The following TBC1D8B variants were observed in gnomAD, a reference collection of about 807,000 sequenced individuals.
The protein encoded by TBC1D8B is RP11-321G1.1.
A neutral mutation model predicts 82.9 loss-of-function variants in TBC1D8B; 75 were observed. The ratio of observed to expected loss-of-function variants is 0.90; its 90% CI spans 0.75 to 1.10. The LOEUF is 1.10. Ranked by LOEUF, TBC1D8B falls within the 50% of genes least tolerant of loss-of-function variation. The pLI is 0.00. For synonymous variants in TBC1D8B, 276 were observed against 276.8 expected (o/e 1.00, Z 0.03); for missense variants, 794 against 796.9 (o/e 1.00, Z 0.04).
At chrX:106,804,822 A>G (rs144475470) in intron 1 of TBC1D8B, among the ~76,000 whole-genome samples, 186 of 110,177 alleles carry the variant, frequency 1.7e-3, no homozygotes, top group Admixed American at 6.1e-3. Context: ...CTGGGAGGTC[A>G]AGGCTACAGT....
intron 14 of TBC1D8B, among the ~76,000 whole-genome samples, chrX:106,862,510 C>G (rs1478089700): frequency 9.0e-6 from 1 of 111,035 alleles, no homozygotes; most frequent in Non-Finnish European, 1.9e-5. Flanking sequence ...TTATTGTATT[C>G]CTTAGATTCC....
At chrX:106,852,566 G>A (rs775425051) in intron 12 of TBC1D8B, among the ~76,000 whole-genome samples, 220 of 111,054 alleles carry the variant, frequency 2.0e-3, no homozygotes, top group African/African-American at 7.0e-3. Flanking sequence ...ATGTAAGTCT[G>A]TAATCCATCT....
chrX:106,856,685 C>A (rs1932704170), intron 14 of TBC1D8B, among the ~76,000 whole-genome samples: 1 of 111,551 alleles, frequency 9.0e-6, no homozygotes, highest in Admixed American at 9.5e-5. Context: ...CAGTACCACA[C>A]TCTTTCAATT....
intron 1 of TBC1D8B, among the ~76,000 whole-genome samples, chrX:106,817,493 C>T (rs1314418432): frequency 1.8e-5 from 2 of 111,513 alleles, no homozygotes; most frequent in Non-Finnish European, 3.8e-5. Context: ...GCAGTCAAAA[C>T]TCATGCATAA....
chrX:106,822,130 G>A lies in TBC1D8B; in HGVS notation c.514G>A (p.Val172Ile). The change falls in exon 4 of 21, where the codon GTT (valine) becomes ATT (isoleucine). Residue 172 changes from valine to isoleucine, a missense_variant. By Grantham distance (29) the Val-to-Ile change is conservative. Coordinates refer to ENST00000357242, the MANE Select transcript of TBC1D8B (RefSeq NM_017752.3). ...YYSCSYWKGR[V>I]PCQGWLYLST... ...TTCATGCAGTTATTGGAAAGGACGG[G>A]TTCCTTGTCAGGGTTGGCTTTATCT... is the stretch of plus-strand genomic sequence containing the variant. The A allele has an allele frequency of 8.3e-7, 1 of 1,210,210 alleles. No individual in the cohort carries two copies. The highest frequency in any genetic ancestry group is 1.1e-6 in the Non-Finnish European group (1 of 894,775).
intron 7 of TBC1D8B, among the ~76,000 whole-genome samples, chrX:106,833,856 G>C (rs186931936): frequency 2.6e-3 from 290 of 110,618 alleles, no homozygotes; most frequent in Non-Finnish European, 4.3e-3. Flanking sequence ...TTGAGATCCA[G>C]ACTACAACCA....
chrX:106,873,201 G>A (rs1444821629), intron 20 of TBC1D8B, among the ~76,000 whole-genome samples: 5 of 111,237 alleles, frequency 4.5e-5, no homozygotes, highest in Non-Finnish European at 9.4e-5. Flanking sequence ...TGGTTCAGGC[G>A]ATTCTCCTGC....
intron 1 of TBC1D8B, among the ~76,000 whole-genome samples, chrX:106,805,924 GA>G (rs1931173538): frequency 8.9e-6 from 1 of 112,428 alleles, no homozygotes; most frequent in African/African-American, 3.2e-5. Flanking sequence ...CCCTTTAAAA[GA>G]TTAGTTTATG....
intron 18 of TBC1D8B, among the ~76,000 whole-genome samples, 159 bp from the exon 19 acceptor site, chrX:106,869,326 T>C (rs1445785580): frequency 8.9e-6 from 1 of 112,394 alleles, no homozygotes; most frequent in Non-Finnish European, 1.9e-5. Context: ...TGTGAAAGTT[T>C]TGGAATATTT....
chrX:106,843,366 A>G (rs1932363231), intron 10 of TBC1D8B, among the ~76,000 whole-genome samples: 1 of 111,227 alleles, frequency 9.0e-6, no homozygotes, highest in African/African-American at 3.3e-5. Flanking sequence ...TTTTTACCAA[A>G]TCTCCCCTTC....
At chrX:106,834,669 G>A (rs1261101440) in intron 7 of TBC1D8B, among the ~76,000 whole-genome samples, 3 of 112,053 alleles carry the variant, frequency 2.7e-5, no homozygotes, top group South Asian at 3.7e-4. Context: ...AGACAATGGG[G>A]GTACAGGCAT....
intron 1 of TBC1D8B, among the ~76,000 whole-genome samples, chrX:106,811,432 G>A (rs1401935796): frequency 1.8e-5 from 2 of 111,438 alleles, no homozygotes; most frequent in Non-Finnish European, 3.8e-5. Context: ...AGGCTGGGGT[G>A]GGTGGGAGAT....
intron 10 of TBC1D8B, among the ~76,000 whole-genome samples, chrX:106,843,474 T>C (rs1433913865): frequency 2.7e-5 from 3 of 111,898 alleles, no homozygotes. Flanking sequence ...CGTGAAGTGG[T>C]GCCTTGGCAC....
chrX:106,871,587 C>T (rs1304777864), intron 20 of TBC1D8B, among the ~76,000 whole-genome samples: 4 of 111,512 alleles, frequency 3.6e-5, no homozygotes, highest in Non-Finnish European at 5.6e-5. Flanking sequence ...GCAGCAGATA[C>T]CAGCTGAGTG....
chrX:106,813,133 A>C (rs10126625), intron 1 of TBC1D8B, among the ~76,000 whole-genome samples: 17,939 of 111,695 alleles, frequency 0.16, 3,488 homozygotes, highest in African/African-American at 0.56. Context: ...GCTGGGATTA[A>C]AGGCGTGAGT....
At position 106,823,447 on chromosome X, in the gene TBC1D8B, C is replaced by A; in HGVS notation, c.808C>A (p.Pro270Thr). 8.3e-7 allele frequency: 1 copy of A among 1,206,460 alleles called. No individual in the cohort carries two copies. ...TFDNDPVLYN[P>T]LQITKRGLEN... ...TGATAATGACCCAGTCCTTTATAAT[C>A]CTCTACAGATCACCAAAAGGTATTC... The change falls in exon 5 of 21, where the codon CCT (proline) becomes ACT (threonine). Residue 270 changes from proline to threonine, a missense_variant. By Grantham distance (38) the Pro-to-Thr change is conservative. Transcript: ENST00000357242.
chrX:106,827,442 G>A (rs918210325), intron 7 of TBC1D8B, 105 bp downstream of exon 7: 1 of 901,589 alleles, frequency 1.1e-6, no homozygotes, highest in Non-Finnish European at 1.5e-6. Flanking sequence ...TTATGCCCAG[G>A]GGTTTTTTTT....
chrX:106,860,154 C>CT (rs962115060), intron 14 of TBC1D8B, among the ~76,000 whole-genome samples: 28 of 110,641 alleles, frequency 2.5e-4, no homozygotes, highest in South Asian at 7.7e-4. Context: ...GAAGTTTTCT[C>CT]TTTTTTTTGT....
At chrX:106,806,641 A>G (rs1431708629) in intron 1 of TBC1D8B, among the ~76,000 whole-genome samples, 2 of 111,190 alleles carry the variant, frequency 1.8e-5, no homozygotes, top group Admixed American at 9.6e-5. Flanking sequence ...TTAGTCTTGA[A>G]TTTTCCATAT....
Sources: gnomAD v4.1 joint callset for allele counts (sites outside exome capture counted in the v4.1 genomes callset) on GRCh38, gnomAD v4.1.1 for gene constraint, MANE v1.5 for transcripts, NCBI Gene and HGNC (gene_info 2026-07-23, HGNC 2026-07-21) for gene names.